The following UMAD1 variants were observed in gnomAD, a reference collection of about 807,000 sequenced individuals.
The protein encoded by UMAD1 is UBAP1-MVB12-associated (UMA)-domain containing protein 1.
UMAD1 carries 8 observed loss-of-function variants against 6.1 expected under a neutral mutation model. The observed-to-expected ratio is 1.30, with a 90% CI of 0.76 to 2.35. The LOEUF (loss-of-function observed/expected upper bound fraction) is 2.35. Among genes scored for constraint, UMAD1 ranks in the 30% most tolerant of loss-of-function variants. The probability of loss-of-function intolerance (pLI) is 0.00; values close to 1 mark genes in which losing one functional copy is unlikely to be tolerated. For missense variants in UMAD1, 130 were observed against 78.4 expected (o/e 1.66, Z -2.49); for synonymous variants, 56 against 31.4 (o/e 1.78, Z -2.61).
intron 3 of UMAD1, among the ~76,000 whole-genome samples, chr7:7,846,124 T>A (rs1213027053): frequency 6.6e-6 from 1 of 152,156 alleles, no homozygotes; most frequent in African/African-American, 2.4e-5. Flanking sequence ...GGCCATTTAT[T>A]TAATGTGTCT....
At chr7:7,676,032 A>G (rs1210325449) in intron 2 of UMAD1, 1 of 397,778 alleles carries the variant, frequency 2.5e-6, no homozygotes, top group Non-Finnish European at 4.4e-6. Context: ...AGTCAGCATC[A>G]TGTCTCAGCT....
chr7:7,847,120 T>A lies in UMAD1; in HGVS notation c.157-30161T>A, dbSNP rs1467760089. ...AAAAAAAAAAATATATATATATATA[T>A]ATATATATATATATATATATATATA... is the stretch of plus-strand genomic sequence containing the variant. On this transcript the variant is annotated intron_variant, in intron 3 of 3. Coordinates refer to ENST00000682710, the MANE Select transcript of UMAD1 (RefSeq NM_001302348.2). Among the ~76,000 whole-genome samples the A allele has an allele frequency of 1.5e-3, 32 of 20,660 alleles. 3 individuals carry two copies. The highest frequency in any genetic ancestry group is 8.7e-3 in the African/African-American group (32 of 3,682). 13.6% of individuals were successfully genotyped at this position (20,660 alleles called of 152,430 possible).
intron 3 of UMAD1, among the ~76,000 whole-genome samples, chr7:7,802,161 C>T (rs748384196): frequency 1.3e-5 from 2 of 152,170 alleles, no homozygotes; most frequent in East Asian, 1.9e-4. Flanking sequence ...GGGTAGATCA[C>T]GAGGTCAAGA....
At chr7:7,709,550 C>T (rs928651354) in intron 2 of UMAD1, among the ~76,000 whole-genome samples, 2 of 152,214 alleles carry the variant, frequency 1.3e-5, no homozygotes, top group African/African-American at 4.8e-5. Flanking sequence ...AGGCGCTGAG[C>T]CTGCAAGGGC....
At chr7:7,842,648 AC>A (rs1265641837) in intron 3 of UMAD1, among the ~76,000 whole-genome samples, 1 of 151,870 alleles carries the variant, frequency 6.6e-6, no homozygotes, top group Non-Finnish European at 1.5e-5. Context: ...TGGGTATTTC[AC>A]TAAGAAAGCT....
In UMAD1 at chr7:7,640,804, C is replaced by T. The variant is rs28916291; in HGVS notation, c.-81C>T. 746 of 205,222 alleles carry T rather than the reference C, an allele frequency of 3.6e-3. 9 individuals are homozygous for T. Among genetic ancestry groups the T allele is most frequent in the African/African-American group, 0.016 (687 of 42,746 alleles). The allele number at this position is 205,222 out of a possible 1,614,324, so 12.7% of individuals were successfully genotyped here. Reference sequence around the variant, plus strand: ...GCTCCGGTGCTGGTGCGGCGGGGGACTGCGGGGCCAGCCTCAGGTACCTCG... The same window carrying T: ...GCTCCGGTGCTGGTGCGGCGGGGGATTGCGGGGCCAGCCTCAGGTACCTCG... On this transcript the variant is annotated 5_prime_UTR_variant, in exon 1 of 4. Coordinates refer to ENST00000682710, the MANE Select transcript of UMAD1 (RefSeq NM_001302348.2).
intron 3 of UMAD1, among the ~76,000 whole-genome samples, chr7:7,834,985 C>T (rs974184133): frequency 3.3e-5 from 5 of 152,056 alleles, no homozygotes. Flanking sequence ...TTAAAAAAAT[C>T]AGATCTCTTG....
At chr7:7,747,199 G>A (rs1406088434) in intron 2 of UMAD1, among the ~76,000 whole-genome samples, 2 of 152,252 alleles carry the variant, frequency 1.3e-5, no homozygotes, top group African/African-American at 4.8e-5. Context: ...TATTGTTTTG[G>A]AGTTGCTACA....
intron 3 of UMAD1, among the ~76,000 whole-genome samples, chr7:7,839,020 T>C (rs1047926740): frequency 1.3e-5 from 2 of 152,184 alleles, no homozygotes; most frequent in Non-Finnish European, 2.9e-5. Flanking sequence ...AAGGAATAGA[T>C]GGGAGTGAGA....
chr7:7,840,702 C>A (rs544906507), intron 3 of UMAD1, among the ~76,000 whole-genome samples: 1 of 152,192 alleles, frequency 6.6e-6, no homozygotes, highest in African/African-American at 2.4e-5. Context: ...TTGACAGTGG[C>A]AATAGCAGCA....
chr7:7,768,903 T>A (rs1782047470), intron 2 of UMAD1, among the ~76,000 whole-genome samples: 1 of 152,202 alleles, frequency 6.6e-6, no homozygotes, highest in Non-Finnish European at 1.5e-5. Flanking sequence ...ATTAAGTCAG[T>A]AGCTGTTTGC....
chr7:7,801,554 G>T (rs1782799018), intron 2 of UMAD1, 116 bp from the exon 3 acceptor site: 1 of 603,888 alleles, frequency 1.7e-6, no homozygotes, highest in Admixed American at 3.0e-5. Context: ...GGAAATAGTG[G>T]TTTCTTCCAT....
At chr7:7,676,345 G>GTACTA in intron 2 of UMAD1, 2 of 391,620 alleles carry the variant, frequency 5.1e-6, no homozygotes, top group East Asian at 7.2e-5. Flanking sequence ...GAGTGAGGTA[G>GTACTA]TACTATTATA....
At chr7:7,664,950 GA>G (rs1313135438) in intron 1 of UMAD1, among the ~76,000 whole-genome samples, 1 of 152,098 alleles carries the variant, frequency 6.6e-6, no homozygotes, top group African/African-American at 2.4e-5. Context: ...TCAGCACTGT[GA>G]AATTTACATA....
chr7:7,767,128 C>CTTTTGTTTTTTTTTTTT (rs1782001133), intron 2 of UMAD1, among the ~76,000 whole-genome samples: 1 of 129,794 alleles, frequency 7.7e-6, no homozygotes, highest in African/African-American at 2.7e-5. Flanking sequence ...AAATTAAGCT[C>CTTTTGTTTTTTTTTTTT]TTTTTTTTTT....
At chr7:7,791,522 C>A (rs1395072581) in intron 2 of UMAD1, among the ~76,000 whole-genome samples, 1 of 152,172 alleles carries the variant, frequency 6.6e-6, no homozygotes, top group African/African-American at 2.4e-5. Flanking sequence ...TTAATTTGGC[C>A]TTTTCAGTTT....
intron 2 of UMAD1, among the ~76,000 whole-genome samples, chr7:7,701,226 T>C (rs1780455435): frequency 6.6e-6 from 1 of 151,056 alleles, no homozygotes; most frequent in African/African-American, 2.4e-5. Flanking sequence ...ACTGTATCAT[T>C]TCCTCTCTAA....
At chr7:7,711,382 A>G (rs1015711922) in intron 2 of UMAD1, among the ~76,000 whole-genome samples, 5 of 152,230 alleles carry the variant, frequency 3.3e-5, no homozygotes, top group Admixed American at 1.3e-4. Context: ...GGCTATGCAC[A>G]TGTTAACTTT....
chr7:7,662,089 C>G (rs988725629), intron 1 of UMAD1, among the ~76,000 whole-genome samples: 41 of 152,274 alleles, frequency 2.7e-4, no homozygotes, highest in African/African-American at 8.7e-4. Flanking sequence ...GGATCTTTCC[C>G]GGCATCTTTG....
Sources: gnomAD v4.1 joint callset for allele counts (sites outside exome capture counted in the v4.1 genomes callset) on GRCh38, gnomAD v4.1.1 for gene constraint, MANE v1.5 for transcripts, NCBI Gene and HGNC (gene_info 2026-07-23, HGNC 2026-07-21) for gene names.